Variants in MYT1L observed in about 807,000 individuals in gnomAD.
MYT1L encodes myelin transcription factor 1-like protein.
MYT1L carries 12 observed loss-of-function variants against 126.7 expected under a neutral mutation model. That is an observed-to-expected ratio of 0.09 (90% confidence interval 0.06 to 0.15). The LOEUF is 0.15. MYT1L is among the 10% of genes least tolerant of loss of function. The pLI is 1.00. For missense variants in MYT1L, 979 were observed against 1,585.2 expected, an observed-to-expected ratio of 0.62 and a Z score of 6.49; for synonymous variants, 541 against 604.2, an observed-to-expected ratio of 0.90 and a Z score of 1.53.
intron 8 of MYT1L, among the ~76,000 whole-genome samples, chr2:1,944,988 T>C (rs905523849): frequency 2.6e-5 from 4 of 152,274 alleles, no homozygotes. Context: ...ATGTAAAGGA[T>C]GTCTGGGAGG....
chr2:1,800,378 A>G (rs2034607645), intron 23 of MYT1L: 1 of 152,294 alleles, frequency 6.6e-6, no homozygotes, highest in African/African-American at 2.4e-5. Context: ...GGAAGACCTG[A>G]ACACAGCCCC....
At chr2:2,177,849 G>C (rs189480540) in intron 2 of MYT1L, among the ~76,000 whole-genome samples, 44 of 152,148 alleles carry the variant, frequency 2.9e-4, no homozygotes, top group African/African-American at 1.0e-3. Flanking sequence ...ATTTGGGTGG[G>C]GACACAGAGC....
chr2:1,914,531 T>C (rs950354623), intron 11 of MYT1L, among the ~76,000 whole-genome samples: 1 of 152,074 alleles, frequency 6.6e-6, no homozygotes, highest in Non-Finnish European at 1.5e-5. Context: ...GGTATCCAGG[T>C]AGCCACCTCT....
At chr2:2,196,735 T>C (rs1281868554) in intron 2 of MYT1L, among the ~76,000 whole-genome samples, 1 of 151,746 alleles carries the variant, frequency 6.6e-6, no homozygotes, top group Non-Finnish European at 1.5e-5. Context: ...TCTATCACTA[T>C]CAAAGTTATA....
chr2:1,847,062 C>T (rs969024934), intron 19 of MYT1L, among the ~76,000 whole-genome samples: 27 of 152,152 alleles, frequency 1.8e-4, no homozygotes, highest in Non-Finnish European at 3.2e-4. Context: ...CATAGGTAGA[C>T]ACTGTCTGGC....
At chr2:1,888,402 A>G (rs2048414564) in intron 16 of MYT1L, among the ~76,000 whole-genome samples, 1 of 152,224 alleles carries the variant, frequency 6.6e-6, no homozygotes, top group East Asian at 1.9e-4. Context: ...ATTGAAATCA[A>G]TTTGAAGAAT....
chr2:2,166,548 T>C (rs1475531764), intron 3 of MYT1L, among the ~76,000 whole-genome samples: 2 of 152,252 alleles, frequency 1.3e-5, no homozygotes, highest in Non-Finnish European at 2.9e-5. Flanking sequence ...ATTTAAGCTA[T>C]GGATCCTCAG....
chr2:2,015,531 AAC>A (rs1434756064), intron 4 of MYT1L, among the ~76,000 whole-genome samples: 1 of 152,158 alleles, frequency 6.6e-6, no homozygotes, highest in Non-Finnish European at 1.5e-5. Context: ...TTCCAAGCAA[AAC>A]ACACATCAGG....
chr2:2,126,629 TG>T (rs2081735402), intron 3 of MYT1L, among the ~76,000 whole-genome samples: 1 of 152,130 alleles, frequency 6.6e-6, no homozygotes, highest in South Asian at 2.1e-4. Flanking sequence ...GAAGGAAAAA[TG>T]GAAGTCTGCT....
chr2:2,032,273 G>A lies in MYT1L; in HGVS notation c.-158+21705C>T, dbSNP rs192987383. Among the ~76,000 whole-genome samples the A allele has an allele frequency of 8.9e-3, 1,036 of 116,622 alleles. 39 individuals are homozygous for A. The highest frequency in any genetic ancestry group is 0.037 in the African/African-American group (927 of 25,004). 76.5% of individuals were successfully genotyped at this position (116,622 alleles called of 152,430 possible). A position where few individuals can be genotyped will look rare whatever the true frequency, so the allele number is the denominator to read the frequency against. On this transcript the variant is annotated intron_variant, in intron 4 of 24. Transcript: ENST00000647738. ...TGTGGCCCAGAGCAGATTCTAGAAGGAGGGCCTTACACACATCCCTCCCCA... is the reference window on the plus strand; with the variant it reads ...TGTGGCCCAGAGCAGATTCTAGAAGAAGGGCCTTACACACATCCCTCCCCA...
At chr2:1,891,092 C>A (rs571720801) in intron 15 of MYT1L, among the ~76,000 whole-genome samples, 3 of 152,222 alleles carry the variant, frequency 2.0e-5, no homozygotes, top group Non-Finnish European at 2.9e-5. Flanking sequence ...ACTGCATGCA[C>A]CTGACTCTTC....
chr2:2,303,134 C>T (rs2095809293), intron 1 of MYT1L, among the ~76,000 whole-genome samples: 1 of 152,168 alleles, frequency 6.6e-6, no homozygotes, highest in African/African-American at 2.4e-5. Context: ...TTATGTTTCA[C>T]AAACATTATC....
At chr2:2,084,738 G>A (rs1430358153) in intron 3 of MYT1L, among the ~76,000 whole-genome samples, 1 of 152,182 alleles carries the variant, frequency 6.6e-6, no homozygotes, top group Non-Finnish European at 1.5e-5. Context: ...GACACTGTGA[G>A]ATACTAAATG....
At chr2:2,119,293 C>T (rs1324280618) in intron 3 of MYT1L, among the ~76,000 whole-genome samples, 1 of 152,116 alleles carries the variant, frequency 6.6e-6, no homozygotes, top group African/African-American at 2.4e-5. Flanking sequence ...AGTGCTTTTA[C>T]CTACATAAAT....
intron 21 of MYT1L, among the ~76,000 whole-genome samples, chr2:1,830,004 C>T (rs556018807): frequency 3.3e-5 from 5 of 152,274 alleles, no homozygotes; most frequent in South Asian, 2.1e-4. Context: ...TGTGCAGCGC[C>T]GAGCGAGGTG....
intron 3 of MYT1L, among the ~76,000 whole-genome samples, chr2:2,096,848 G>T (rs2077510458): frequency 6.6e-6 from 1 of 152,180 alleles, no homozygotes; most frequent in Admixed American, 6.5e-5. Context: ...CATTTCTTTT[G>T]AGAACCTTCT....
At chr2:2,123,809 CA>C (rs2081342868) in intron 3 of MYT1L, among the ~76,000 whole-genome samples, 1 of 152,192 alleles carries the variant, frequency 6.6e-6, no homozygotes, top group African/African-American at 2.4e-5. Flanking sequence ...TCAGTCCTCA[CA>C]AGGGTCTCTG....
Position 2,217,685 on chromosome 2 carries a change from C to CAAAA in MYT1L, c.-420-44698_-420-44697insTTTT, listed in dbSNP as rs1167910803. Among the ~76,000 whole-genome samples, 18 of 79,624 alleles carry CAAAA rather than the reference C, an allele frequency of 2.3e-4. 1 individual carries two copies. Among genetic ancestry groups the CAAAA allele is most frequent in the Non-Finnish European group, 3.4e-4 (14 of 41,116 alleles). 52.2% of individuals were successfully genotyped at this position (79,624 alleles called of 152,430 possible). On this transcript the variant is annotated intron_variant, in intron 2 of 24. Coordinates refer to ENST00000647738, the MANE Select transcript of MYT1L (RefSeq NM_001303052.2). ...AACTCCATCTCAACAACAACAACAA[C>CAAAA]AACAACAACAACAACAACAACAAAA...
intron 19 of MYT1L, chr2:1,841,156 C>T (rs554709500): frequency 1.3e-4 from 21 of 156,406 alleles, no homozygotes; most frequent in African/African-American, 3.9e-4. Flanking sequence ...TTGCCCACCT[C>T]GGCCTCTTTT....
Sources: allele counts gnomAD v4.1 joint callset (sites outside exome capture counted in the v4.1 genomes callset), GRCh38; gene constraint gnomAD v4.1.1; transcripts MANE v1.5; gene names NCBI Gene and HGNC (gene_info 2026-07-23, HGNC 2026-07-21).